The following PPFIBP2 variants were observed in gnomAD, a reference collection of about 807,000 sequenced individuals.
PPFIBP2 encodes liprin-beta-2.
PPFIBP2 carries 118 observed loss-of-function variants against 118.3 expected under a neutral mutation model. The ratio of observed to expected loss-of-function variants is 1.00; its 90% CI spans 0.86 to 1.16. The LOEUF (loss-of-function observed/expected upper bound fraction) is 1.16. PPFIBP2 is among the 50% of genes most tolerant of loss of function. PPFIBP2 has a pLI of 0.00. For missense variants in PPFIBP2, 1,195 were observed against 1,073.1 expected (o/e 1.11, Z -1.59); for synonymous variants, 414 against 397.4 (o/e 1.04, Z -0.50).
At chr11:7,556,336 T>A (rs1853630080) in intron 2 of PPFIBP2, among the ~76,000 whole-genome samples, 1 of 152,106 alleles carries the variant, frequency 6.6e-6, no homozygotes, top group Non-Finnish European at 1.5e-5. Context: ...GCACTTGTAG[T>A]CCCAGCTACT....
chr11:7,633,914 G>A (rs1320555793), intron 12 of PPFIBP2, among the ~76,000 whole-genome samples: 1 of 152,180 alleles, frequency 6.6e-6, no homozygotes, highest in Non-Finnish European at 1.5e-5. Context: ...GTGACCACTG[G>A]TGGCATTGCC....
At chr11:7,611,390 G>A (rs1848055635) in intron 6 of PPFIBP2, among the ~76,000 whole-genome samples, 3 of 152,202 alleles carry the variant, frequency 2.0e-5, no homozygotes, top group Admixed American at 2.0e-4. Flanking sequence ...TCTGATAAGT[G>A]CCAGCATTAG....
downstream of PPFIBP2, among the ~76,000 whole-genome samples, chr11:7,660,437 G>T (rs1417977971): frequency 6.9e-6 from 1 of 145,204 alleles, no homozygotes; most frequent in Non-Finnish European, 1.5e-5. Context: ...CTGTTTATAT[G>T]CTGGATTACA....
intron 5 of PPFIBP2, among the ~76,000 whole-genome samples, chr11:7,605,341 G>A (rs970793123): frequency 6.6e-6 from 1 of 152,246 alleles, no homozygotes; most frequent in African/African-American, 2.4e-5. Context: ...TTGAGGAGAA[G>A]AGGGAGACAT....
chr11:7,539,508 C>T (rs1851554484), intron 1 of PPFIBP2: 1 of 152,502 alleles, frequency 6.6e-6, no homozygotes, highest in African/African-American at 2.4e-5. Flanking sequence ...ACAACTTGAA[C>T]TGCTACGCTG....
At chr11:7,660,491 T>G (rs1160767409), downstream of PPFIBP2, among the ~76,000 whole-genome samples, 1 of 149,186 alleles carries the variant, frequency 6.7e-6, no homozygotes, top group Non-Finnish European at 1.5e-5. Context: ...ATCCCAGGGA[T>G]GAAGCCCACT....
chr11:7,518,508 T>C (rs184868477), intron 1 of PPFIBP2, among the ~76,000 whole-genome samples: 1 of 152,132 alleles, frequency 6.6e-6, no homozygotes, highest in Admixed American at 6.5e-5. Flanking sequence ...GGAGTCCTGG[T>C]TGGGGACTGC....
intron 1 of PPFIBP2, among the ~76,000 whole-genome samples, chr11:7,520,742 A>G (rs968416551): frequency 1.3e-5 from 2 of 152,150 alleles, no homozygotes; most frequent in Non-Finnish European, 2.9e-5. Context: ...TTCCTGAGTC[A>G]CTATTTTCCC....
intron 14 of PPFIBP2, 40 bp downstream of exon 14, chr11:7,635,633 A>C: frequency 6.4e-7 from 1 of 1,557,080 alleles, no homozygotes; most frequent in Non-Finnish European, 8.9e-7. Flanking sequence ...TTGTGGTTAC[A>C]CTGTTTGCTA....
Position 7,565,665 on chromosome 11 carries a change from G to A in PPFIBP2, c.177G>A (p.Leu59=). 1.9e-6 allele frequency: 3 copies of A among 1,614,180 alleles called. No individual in the cohort carries two copies. The highest frequency in any genetic ancestry group is 2.5e-6 in the Non-Finnish European group (3 of 1,180,020). The change falls in exon 3 of 24, where the codon CTG becomes CTA. Residue 59 remains leucine (L), a synonymous_variant. Coordinates refer to ENST00000299492, the MANE Select transcript of PPFIBP2 (RefSeq NM_003621.5). The part of the protein sequence containing the change: ...PVLHLIEDLR[L]ALEMLELPQE... ...TCCATCTCATCGAGGACTTGAGGCT[G>A]GCCTTGGAGATGCTGGAGCTTCCTC...
chr11:7,665,304 C>G, the PPFIBP2 span: 6 of 1,286,952 alleles, frequency 4.7e-6, no homozygotes, highest in South Asian at 4.7e-5. Flanking sequence ...CCCAGTTTAC[C>G]GTGGTGAAAT....
chr11:7,596,967 C>G (rs142251586), intron 4 of PPFIBP2, among the ~76,000 whole-genome samples: 222 of 152,242 alleles, frequency 1.5e-3, no homozygotes, highest in African/African-American at 5.2e-3. Context: ...TGTAATGTGG[C>G]TTCTCTATAT....
chr11:7,530,902 T>G (rs1407060197), intron 1 of PPFIBP2, among the ~76,000 whole-genome samples: 1 of 152,156 alleles, frequency 6.6e-6, no homozygotes, highest in African/African-American at 2.4e-5. Flanking sequence ...AATTTTCACT[T>G]TTTCCTTTGA....
intron 8 of PPFIBP2, among the ~76,000 whole-genome samples, chr11:7,627,946 C>T (rs1049216567): frequency 1.2e-4 from 19 of 152,220 alleles, no homozygotes; most frequent in Middle Eastern, 3.4e-3. Context: ...CAGGTGCATG[C>T]CTACTCAAGT....
the PPFIBP2 span, chr11:7,665,637 G>T: frequency 7.3e-7 from 1 of 1,369,968 alleles, no homozygotes; most frequent in East Asian, 2.4e-5. Context: ...CAGCCAGGGA[G>T]GAGGTGACAA....
chr11:7,577,625 C>T (rs1204976449), intron 3 of PPFIBP2: 7 of 455,962 alleles, frequency 1.5e-5, no homozygotes, highest in East Asian at 7.0e-5. Context: ...AAGCATTTCT[C>T]GTGGCTGAAG....
At chr11:7,654,042 A>T (rs934209319), downstream of PPFIBP2, among the ~76,000 whole-genome samples, 4 of 152,250 alleles carry the variant, frequency 2.6e-5, no homozygotes, top group African/African-American at 9.6e-5. Flanking sequence ...TCTGTCGTGC[A>T]GACCTCAAAG....
At chr11:7,551,187 C>G (rs1852945833) in intron 2 of PPFIBP2, among the ~76,000 whole-genome samples, 1 of 152,098 alleles carries the variant, frequency 6.6e-6, no homozygotes, top group African/African-American at 2.4e-5. Context: ...TTTAGAGATA[C>G]TGACCTGTGA....
chr11:7,653,343 A>G lies in PPFIBP2; in HGVS notation c.*125A>G. 1 of 1,496,222 alleles carries G rather than the reference A, an allele frequency of 6.7e-7. No homozygotes were observed. Among genetic ancestry groups the G allele is most frequent in the Non-Finnish European group, 8.9e-7 (1 of 1,126,734 alleles). The allele number at this position is 1,496,222 out of a possible 1,614,324, so 92.7% of individuals were successfully genotyped here. On this transcript the variant is annotated 3_prime_UTR_variant, in exon 24 of 24. Coordinates refer to ENST00000299492, the MANE Select transcript of PPFIBP2 (RefSeq NM_003621.5). ...GCAGAGAATATTCCAGCAATTGTGT[A>G]CCCCTGGGCCAGTCTCTTTGAACCC...
Sources: allele counts gnomAD v4.1 joint callset (sites outside exome capture counted in the v4.1 genomes callset), GRCh38; gene constraint gnomAD v4.1.1; transcripts MANE v1.5; gene names NCBI Gene and HGNC (gene_info 2026-07-23, HGNC 2026-07-21).